ADAMTS12: variants seen among roughly 807,000 people sequenced by gnomAD.
The protein encoded by ADAMTS12 is A disintegrin and metalloproteinase with thrombospondin motifs 12.
ADAMTS12 carries 118 observed loss-of-function variants against 167.8 expected under a neutral mutation model. That is an observed-to-expected ratio of 0.70 (90% CI 0.61 to 0.82). The LOEUF is 0.82. ADAMTS12 is among the 40% of genes least tolerant of loss of function. The pLI is 0.00. For missense variants in ADAMTS12, 1,916 were observed against 1,998.8 expected, an observed-to-expected ratio of 0.96 and a Z score of 0.79; for synonymous variants, 704 against 716.9, an observed-to-expected ratio of 0.98 and a Z score of 0.29.
intron 7 of ADAMTS12, among the ~76,000 whole-genome samples, chr5:33,656,037 G>GT (rs979269084): frequency 1.3e-5 from 2 of 152,120 alleles, no homozygotes; most frequent in Admixed American, 6.6e-5. Context: ...TTAGTTAGAG[G>GT]TTTTTTTAGG....
At chr5:33,678,424 A>G (rs1298123772) in intron 5 of ADAMTS12, among the ~76,000 whole-genome samples, 2 of 152,250 alleles carry the variant, frequency 1.3e-5, no homozygotes, top group African/African-American at 4.8e-5. Flanking sequence ...TCGATTAAAT[A>G]GATCTAAGAT....
chr5:33,841,907 A>G (rs1237126357), intron 2 of ADAMTS12, among the ~76,000 whole-genome samples: 1 of 152,204 alleles, frequency 6.6e-6, no homozygotes, highest in Non-Finnish European at 1.5e-5. Flanking sequence ...CCAGGGCCAC[A>G]TGGGTCAATA....
intron 2 of ADAMTS12, among the ~76,000 whole-genome samples, chr5:33,794,742 T>C (rs1255498814): frequency 6.6e-6 from 1 of 152,160 alleles, no homozygotes; most frequent in Non-Finnish European, 1.5e-5. Flanking sequence ...ATGGCAGGCA[T>C]CTGAGGTACA....
At chr5:33,684,135 G>A in intron 3 of ADAMTS12, 80 bp from the exon 4 acceptor site, 4 of 1,077,156 alleles carry the variant, frequency 3.7e-6, no homozygotes, top group Middle Eastern at 3.3e-4. Context: ...AAGATGCAAG[G>A]CCATAAGTTT....
chr5:33,539,668 G>A (rs1406172775), intron 22 of ADAMTS12, among the ~76,000 whole-genome samples: 1 of 152,144 alleles, frequency 6.6e-6, no homozygotes, highest in Non-Finnish European at 1.5e-5. Flanking sequence ...GAAAACCGAA[G>A]TATCCAGAAA....
At chr5:33,771,804 T>C (rs1425164687) in intron 2 of ADAMTS12, among the ~76,000 whole-genome samples, 1 of 151,896 alleles carries the variant, frequency 6.6e-6, no homozygotes, top group Admixed American at 6.6e-5. Context: ...TTGATGTCCT[T>C]TGTGGTCCCC....
intron 16 of ADAMTS12, among the ~76,000 whole-genome samples, chr5:33,601,929 A>G (rs917085016): frequency 3.9e-5 from 6 of 152,226 alleles, no homozygotes; most frequent in African/African-American, 7.2e-5. Context: ...ATTCTGCCCT[A>G]TGAAGGAGAT....
At chr5:33,851,799 C>T (rs1287971579) in intron 2 of ADAMTS12, among the ~76,000 whole-genome samples, 1 of 152,198 alleles carries the variant, frequency 6.6e-6, no homozygotes, top group African/African-American at 2.4e-5. Context: ...TTCATTTATT[C>T]TGCACCATAC....
intron 2 of ADAMTS12, among the ~76,000 whole-genome samples, chr5:33,876,247 C>A (rs1322686589): frequency 6.6e-6 from 1 of 152,122 alleles, no homozygotes; most frequent in Admixed American, 6.5e-5. Flanking sequence ...AGATGTAATA[C>A]AATTCCTGTT....
At chr5:33,878,920 G>A (rs777484665) in intron 2 of ADAMTS12, among the ~76,000 whole-genome samples, 6 of 152,128 alleles carry the variant, frequency 3.9e-5, no homozygotes, top group South Asian at 2.1e-4. Context: ...CAACTTCAGC[G>A]GGCATCAGAA....
In ADAMTS12 at chr5:33,723,891, T is replaced by C. The variant is rs188154739; in HGVS notation, c.634+27513A>G. ...TTTGGAGAACACATGTTTCAGGTGG[T>C]AAGGATGGAAGATGTAGGAAGCTGC... On this transcript the variant is annotated intron_variant, in intron 3 of 23. Coordinates refer to ENST00000504830, the MANE Select transcript of ADAMTS12 (RefSeq NM_030955.4). Among the ~76,000 whole-genome samples the C allele has an allele frequency of 9.9e-4, 151 of 152,268 alleles. 2 individuals are homozygous for C. Among genetic ancestry groups the C allele is most frequent in the African/African-American group, 3.6e-3 (148 of 41,550 alleles).
At chr5:33,687,379 A>G (rs967640100) in intron 3 of ADAMTS12, among the ~76,000 whole-genome samples, 2 of 152,232 alleles carry the variant, frequency 1.3e-5, no homozygotes, top group African/African-American at 2.4e-5. Context: ...CCGAGGCTCA[A>G]AAAGATTAGG....
At chr5:33,827,632 G>A (rs1748130974) in intron 2 of ADAMTS12, among the ~76,000 whole-genome samples, 1 of 151,678 alleles carries the variant, frequency 6.6e-6, no homozygotes, top group South Asian at 2.1e-4. Flanking sequence ...AAAAAAACAT[G>A]TTAATAAAAA....
At chr5:33,720,459 TA>T (rs1274389469) in intron 3 of ADAMTS12, among the ~76,000 whole-genome samples, 1 of 152,124 alleles carries the variant, frequency 6.6e-6, no homozygotes, top group Non-Finnish European at 1.5e-5. Context: ...CCATCAACAA[TA>T]AATGCTAAAT....
chr5:33,843,069 T>G (rs1282125132), intron 2 of ADAMTS12, among the ~76,000 whole-genome samples: 1 of 152,186 alleles, frequency 6.6e-6, no homozygotes. Flanking sequence ...TGCCCTTCTC[T>G]CCCTACCTTT....
At position 33,717,012 on chromosome 5, in the gene ADAMTS12, G is replaced by A. The variant is rs369426519; in HGVS notation, c.635-32957C>T. ...ATTGGTTTGCAAAAGGGAAAAACTG[G>A]GAACATGCATACAGTAACAATTTTG... On this transcript the variant is annotated intron_variant, in intron 3 of 23. Transcript: ENST00000504830. Among the ~76,000 whole-genome samples the A allele has an allele frequency of 1.2e-4, 19 of 152,194 alleles. No homozygotes were observed. The East Asian group carries it at 3.5e-3, about 28-fold the overall frequency.
chr5:33,624,431 C>G (rs1244690017), intron 13 of ADAMTS12, 80 bp from the exon 14 acceptor site: 1 of 1,584,246 alleles, frequency 6.3e-7, no homozygotes, highest in African/African-American at 1.3e-5. Context: ...CTTCTTTCCC[C>G]TTTGGTGCTT....
intron 7 of ADAMTS12, among the ~76,000 whole-genome samples, chr5:33,657,656 C>T (rs1741108029): frequency 6.6e-6 from 1 of 152,160 alleles, no homozygotes; most frequent in South Asian, 2.1e-4. Context: ...TCCAAATTTA[C>T]AGCAGTTTTC....
intron 2 of ADAMTS12, among the ~76,000 whole-genome samples, chr5:33,780,186 T>C (rs1344490399): frequency 6.6e-6 from 1 of 152,136 alleles, no homozygotes; most frequent in Non-Finnish European, 1.5e-5. Context: ...AATTAATCCA[T>C]GAAGAGGAGT....
Sources: gnomAD v4.1 joint callset for allele counts (sites outside exome capture counted in the v4.1 genomes callset) on GRCh38, gnomAD v4.1.1 for gene constraint, MANE v1.5 for transcripts, NCBI Gene and HGNC (gene_info 2026-07-23, HGNC 2026-07-21) for gene names.